Variants in PGS1 observed in about 807,000 individuals in gnomAD.
PGS1 encodes phosphatidylglycerophosphate synthase 1.
A neutral mutation model predicts 58.3 loss-of-function variants in PGS1; 44 were observed. The observed-to-expected ratio is 0.75, with a 90% CI of 0.59 to 0.97. PGS1 has a LOEUF of 0.97. Among genes scored for constraint, PGS1 ranks in the 50% least tolerant of loss-of-function variants. PGS1 has a pLI of 0.00. For synonymous variants in PGS1, 330 were observed against 311.0 expected (o/e 1.06, Z -0.64); for missense variants, 684 against 731.1 (o/e 0.94, Z 0.74).
At chr17:78,395,752 G>A (rs2083186259) in intron 2 of PGS1, among the ~76,000 whole-genome samples, 1 of 152,178 alleles carries the variant, frequency 6.6e-6, no homozygotes, top group South Asian at 2.1e-4. Context: ...AAAGAGGGCA[G>A]GTTTGAGACA....
At chr17:78,404,195 T>G in intron 7 of PGS1, 106 bp downstream of exon 7, 7 of 1,233,390 alleles carry the variant, frequency 5.7e-6, no homozygotes, top group Non-Finnish European at 7.7e-6. Flanking sequence ...TACTTCTCCC[T>G]TCCTACCTTC....
chr17:78,414,741 G>C (rs1358867018), intron 7 of PGS1, 138 bp from the exon 8 acceptor site: 3 of 934,686 alleles, frequency 3.2e-6, no homozygotes, highest in East Asian at 5.0e-5. Context: ...GGTGTGGCCT[G>C]TCCGCCGCTC....
intron 1 of PGS1, among the ~76,000 whole-genome samples, chr17:78,379,706 C>T (rs896941577): frequency 4.0e-5 from 6 of 151,680 alleles, no homozygotes; most frequent in Non-Finnish European, 8.8e-5. Flanking sequence ...GGCTGTAATC[C>T]CAGCTACTTG....
chr17:78,399,484 C>A lies in PGS1; in HGVS notation c.648C>A (p.Ile216=). The part of the protein sequence containing the change: ...LLIPERFNET[I]GLQHIKVYLF... ...TCCCTGAGCGCTTCAACGAGACCATCGGCCTCCAGCACATTAAGGTGTACC... is the reference window on the plus strand; with the variant it reads ...TCCCTGAGCGCTTCAACGAGACCATAGGCCTCCAGCACATTAAGGTGTACC... Residue 216 remains isoleucine, a synonymous_variant, in exon 5 of 10, where the codon ATC becomes ATA. Coordinates refer to ENST00000262764, the MANE Select transcript of PGS1 (RefSeq NM_024419.5). 1 of 1,614,196 alleles carries A rather than the reference C, an allele frequency of 6.2e-7. No individual in the cohort carries two copies. Among genetic ancestry groups the A allele is most frequent in the South Asian group, 1.1e-5 (1 of 91,082 alleles).
At chr17:78,389,398 G>A (rs1390881841) in intron 1 of PGS1, among the ~76,000 whole-genome samples, 1 of 152,008 alleles carries the variant, frequency 6.6e-6, no homozygotes, top group Non-Finnish European at 1.5e-5. Flanking sequence ...TATTGGCCAG[G>A]CTGTTCTCGA....
At chr17:78,419,021 T>G (rs1057215637) in intron 8 of PGS1, among the ~76,000 whole-genome samples, 6 of 152,160 alleles carry the variant, frequency 3.9e-5, no homozygotes, top group Non-Finnish European at 8.8e-5. Flanking sequence ...TTTTGGGTTT[T>G]TTTTTTGAGA....
intron 7 of PGS1, among the ~76,000 whole-genome samples, chr17:78,413,842 A>G (rs1453732238): frequency 2.6e-5 from 4 of 152,196 alleles, no homozygotes; most frequent in Non-Finnish European, 5.9e-5. Flanking sequence ...TGTGCTTGTC[A>G]TCTCAGGTAA....
At chr17:78,396,644 A>G (rs1231695851) in intron 3 of PGS1, among the ~76,000 whole-genome samples, 9 of 152,224 alleles carry the variant, frequency 5.9e-5, no homozygotes, top group Non-Finnish European at 1.2e-4. Context: ...TCCTACCCAC[A>G]CAGGGCCCCA....
intron 8 of PGS1, 99 bp downstream of exon 8, chr17:78,415,126 G>A (rs1598380637): frequency 1.5e-6 from 2 of 1,356,852 alleles, no homozygotes; most frequent in South Asian, 2.5e-5. Context: ...TGTTTCCTGA[G>A]GCAACGAGTG....
intron 8 of PGS1, 102 bp downstream of exon 8, chr17:78,415,129 A>C (rs1443954907): frequency 7.6e-7 from 1 of 1,316,236 alleles, no homozygotes; most frequent in East Asian, 2.4e-5. Flanking sequence ...TTCCTGAGGC[A>C]ACGAGTGAGA....
chr17:78,423,603 A>C, intron 9 of PGS1: 1 of 359,590 alleles, frequency 2.8e-6, no homozygotes, highest in Non-Finnish European at 5.2e-6. Context: ...ACTTCCTGGA[A>C]TGCTTGCCTC....
At chr17:78,383,654 C>T (rs2082186736) in intron 1 of PGS1, among the ~76,000 whole-genome samples, 1 of 152,214 alleles carries the variant, frequency 6.6e-6, no homozygotes, top group South Asian at 2.1e-4. Flanking sequence ...CTTCCTTACT[C>T]TTCAGAGTTT....
chr17:78,391,282 G>T (rs11657987), intron 1 of PGS1, among the ~76,000 whole-genome samples: 69,517 of 151,858 alleles, frequency 0.46, 16,340 homozygotes, highest in Admixed American at 0.53. Context: ...GAGCTCATTT[G>T]CTCCCGTCTC....
At chr17:78,405,370 G>A (rs187993843) in intron 7 of PGS1, among the ~76,000 whole-genome samples, 4 of 152,270 alleles carry the variant, frequency 2.6e-5, no homozygotes, top group African/African-American at 9.6e-5. Context: ...CAGTTTTCTT[G>A]TCTTTTCCTC....
chr17:78,415,926 G>A (rs1367532881), intron 8 of PGS1, among the ~76,000 whole-genome samples: 1 of 152,214 alleles, frequency 6.6e-6, no homozygotes, highest in Non-Finnish European at 1.5e-5. Context: ...TAACACTGCC[G>A]CAGGCCAGAG....
In PGS1 at chr17:78,400,128, G is replaced by A; in HGVS notation, c.702-549G>A. The A allele has an allele frequency of 5.6e-6, 1 of 180,172 alleles. No individual in the cohort carries two copies. The highest frequency in any genetic ancestry group is 1.2e-5 in the Non-Finnish European group (1 of 85,396). 11.2% of individuals were successfully genotyped at this position (180,172 alleles called of 1,614,324 possible). On this transcript the variant is annotated intron_variant, in intron 5 of 9. Coordinates refer to ENST00000262764, the MANE Select transcript of PGS1 (RefSeq NM_024419.5). The surrounding 1 kb of genome is among the most constrained non-coding windows in gnomAD (Gnocchi z 4.4). The stretch of plus-strand genomic sequence containing the variant: ...GGGCCGGGCGCAGTGGCTCACGCCT[G>A]TAATCCCACATTTTGGGAGGCTGAG...
chr17:78,388,842 G>A (rs989673710), intron 1 of PGS1, among the ~76,000 whole-genome samples: 19 of 152,166 alleles, frequency 1.2e-4, no homozygotes, highest in African/African-American at 4.1e-4. Flanking sequence ...TTTAATTTTA[G>A]CATCTTTTCT....
intron 8 of PGS1, among the ~76,000 whole-genome samples, chr17:78,416,237 T>G (rs1487812085): frequency 1.3e-5 from 2 of 152,172 alleles, no homozygotes; most frequent in African/African-American, 4.8e-5. Flanking sequence ...TTACAGCAAA[T>G]GACTGAGGAA....
chr17:78,417,285 G>A lies in PGS1; in HGVS notation c.1551+2258G>A, dbSNP rs2085274952. Among the ~76,000 whole-genome samples the A allele has an allele frequency of 5.9e-5, 9 of 152,302 alleles. No individual in the cohort carries two copies. In the South Asian group the frequency reaches 1.9e-3, roughly 32 times the overall value. Reference sequence around the variant, plus strand: ...GACACAAAGCTGGAGCCAGGTCTGTGGAGACTCCTGCAAACCAGCCCCCTG... The same window carrying A: ...GACACAAAGCTGGAGCCAGGTCTGTAGAGACTCCTGCAAACCAGCCCCCTG... On this transcript the variant is annotated intron_variant, in intron 8 of 9. Coordinates refer to ENST00000262764, the MANE Select transcript of PGS1 (RefSeq NM_024419.5).
Sources: gnomAD v4.1 joint callset for allele counts (sites outside exome capture counted in the v4.1 genomes callset) on GRCh38, gnomAD v4.1.1 for gene constraint, Gnocchi (gnomAD v3.1) non-coding constraint, MANE v1.5 for transcripts, NCBI Gene and HGNC (gene_info 2026-07-23, HGNC 2026-07-21) for gene names.